The following OTULIN variants were observed in gnomAD, a reference collection of about 807,000 sequenced individuals.
OTULIN encodes the protein OTU deubiquitinase with linear linkage specificity.
In OTULIN, 15 loss-of-function variants were observed where a neutral mutation model predicts 39.6. That is an observed-to-expected ratio of 0.38 (90% CI 0.25 to 0.58). The LOEUF (loss-of-function observed/expected upper bound fraction) is 0.58, where lower values mean the gene tolerates loss of function less well. Ranked by LOEUF, OTULIN falls within the 20% of genes least tolerant of loss-of-function variation. The probability of loss-of-function intolerance (pLI) is 0.66; values close to 1 mark genes in which losing one functional copy is unlikely to be tolerated. For missense variants in OTULIN, 319 were observed against 445.9 expected (o/e 0.72, Z 2.56); for synonymous variants, 156 against 170.3 (o/e 0.92, Z 0.65).
rs750703747 is a variant in OTULIN, at chr5:14,690,149, A to G, written c.705A>G (p.Leu235=). 7 of 1,614,112 alleles carry G rather than the reference A, an allele frequency of 4.3e-6. No individual in the cohort carries two copies. Reference sequence around the variant, plus strand: ...GCCTCTATGAAGCTGTAAAATTTCTAATGCTAAACAGAGCCATTGAACTAT... The same window carrying G: ...GCCTCTATGAAGCTGTAAAATTTCTGATGCTAAACAGAGCCATTGAACTAT... ...EYSLYEAVKF[L]MLNRAIELYN... Residue 235 remains leucine (L), a synonymous_variant, in exon 6 of 7, where the codon CTA becomes CTG. Transcript: ENST00000284274. The surrounding 1 kb of genome is among the most constrained non-coding windows in gnomAD (Gnocchi z 4.5).
At chr5:14,682,162 A>AAAGTCATGTGTCTGCATGTCCTG (rs1347793275) in intron 4 of OTULIN, among the ~76,000 whole-genome samples, 2 of 152,218 alleles carry the variant, frequency 1.3e-5, no homozygotes, top group African/African-American at 2.4e-5. Context: ...CATGCACTGG[A>AAAGTCATGTGTCTGCATGTCCTG]AAGTCATGTG....
chr5:14,677,546 C>T (rs931902621), intron 2 of OTULIN, among the ~76,000 whole-genome samples: 21 of 152,090 alleles, frequency 1.4e-4, no homozygotes, highest in African/African-American at 3.4e-4. Context: ...TGTGCATGTG[C>T]GTGTATATGC....
chr5:14,689,703 C>A (rs1318888420), intron 5 of OTULIN, among the ~76,000 whole-genome samples: 2 of 152,204 alleles, frequency 1.3e-5, no homozygotes, highest in Non-Finnish European at 2.9e-5. Context: ...CAGCTTCACA[C>A]ACAGGCTTCA....
intron 5 of OTULIN, among the ~76,000 whole-genome samples, chr5:14,688,375 T>C (rs1234382923): frequency 6.6e-6 from 1 of 152,138 alleles, no homozygotes; most frequent in Admixed American, 6.5e-5. Context: ...AAACATGGAC[T>C]TTTCAAGGTC....
At chr5:14,683,159 G>T (rs1280233104) in intron 4 of OTULIN, among the ~76,000 whole-genome samples, 1 of 152,156 alleles carries the variant, frequency 6.6e-6, no homozygotes, top group African/African-American at 2.4e-5. Flanking sequence ...GGCGCCTGTA[G>T]TGTTAGCTAC....
chr5:14,693,585 C>G lies in OTULIN; in HGVS notation c.*537C>G, dbSNP rs535656925. 4 of 152,376 alleles carry G rather than the reference C, an allele frequency of 2.6e-5. No homozygotes were observed. Among genetic ancestry groups the G allele is most frequent in the African/African-American group, 9.6e-5 (4 of 41,570 alleles). 9.4% of individuals were successfully genotyped at this position (152,376 alleles called of 1,614,324 possible). A position where few individuals can be genotyped will look rare whatever the true frequency, so the allele number is the denominator to read the frequency against. On this transcript the variant is annotated 3_prime_UTR_variant, in exon 7 of 7. Coordinates refer to ENST00000284274, the MANE Select transcript of OTULIN (RefSeq NM_138348.6). ...TAAGTGGTATAATTCTGGGATAGAT[C>G]TGTTACTGGCATAGTCATGACAACC... is the stretch of plus-strand genomic sequence containing the variant.
the OTULIN span, chr5:14,711,339 G>T: frequency 6.3e-7 from 1 of 1,587,046 alleles, no homozygotes; most frequent in Non-Finnish European, 8.7e-7. Flanking sequence ...ATCAGTGTGG[G>T]GCTGTGGATG....
chr5:14,703,005 G>A (rs1736828694), downstream of OTULIN, among the ~76,000 whole-genome samples: 1 of 152,116 alleles, frequency 6.6e-6, no homozygotes. Flanking sequence ...AACTGTCATT[G>A]GCCACTCTGC....
the OTULIN span, chr5:14,712,736 TA>T: frequency 1.2e-6 from 1 of 866,062 alleles, no homozygotes; most frequent in Non-Finnish European, 1.9e-6. Context: ...CCAGCCACCC[TA>T]AGCCACGAGA....
chr5:14,697,764 AG>A lies in OTULIN; in HGVS notation c.*4717del, dbSNP rs1736709167. The A allele has an allele frequency of 6.6e-6, 1 of 152,168 alleles. No homozygotes were observed. The highest frequency in any genetic ancestry group is 2.4e-5 in the African/African-American group (1 of 41,426). The allele number at this position is 152,168 out of a possible 1,614,324, so 9.4% of individuals were successfully genotyped here. On this transcript the variant is annotated 3_prime_UTR_variant, in exon 7 of 7. Transcript: ENST00000284274. ...TAATCTCATTGATTTGTTTGGTATA[AG>A]TTTGGGTCAGAAATGAAACTGCCAA...
At chr5:14,686,830 A>G (rs1482385832) in intron 4 of OTULIN, among the ~76,000 whole-genome samples, 6 of 152,206 alleles carry the variant, frequency 3.9e-5, no homozygotes, top group Non-Finnish European at 7.3e-5. Flanking sequence ...AGGAATAAAA[A>G]AAATGGAAAC....
downstream of OTULIN, among the ~76,000 whole-genome samples, chr5:14,702,191 T>C (rs1736810199): frequency 6.6e-6 from 1 of 151,968 alleles, no homozygotes; most frequent in South Asian, 2.1e-4. Context: ...ATGGAGTGGG[T>C]TTCCGGGTGG....
At chr5:14,715,319 C>T in the OTULIN span, among the ~76,000 whole-genome samples, 1 of 152,140 alleles carries the variant, frequency 6.6e-6, no homozygotes, top group Admixed American at 6.5e-5. Flanking sequence ...TTAGTAGAGA[C>T]GGGGTTTCAC....
intron 6 of OTULIN, among the ~76,000 whole-genome samples, chr5:14,691,302 A>G (rs1406668963): frequency 2.0e-5 from 3 of 152,220 alleles, no homozygotes; most frequent in African/African-American, 7.2e-5. Context: ...AGATACTGCA[A>G]GGATTAGAGA....
intron 4 of OTULIN, among the ~76,000 whole-genome samples, chr5:14,685,186 CTG>C (rs1188275499): frequency 6.6e-6 from 1 of 152,174 alleles, no homozygotes; most frequent in African/African-American, 2.4e-5. Flanking sequence ...GTGAGATAGA[CTG>C]TGTATCAAAA....
chr5:14,712,802 C>G, the OTULIN span: 1 of 1,430,000 alleles, frequency 7.0e-7, no homozygotes, highest in Non-Finnish European at 9.6e-7. Flanking sequence ...CCAACCTGGT[C>G]AGTGGCTGCT....
chr5:14,678,228 G>A (rs1384323491), intron 2 of OTULIN, among the ~76,000 whole-genome samples: 3 of 152,232 alleles, frequency 2.0e-5, no homozygotes, highest in East Asian at 1.9e-4. Flanking sequence ...CTGCAGGTGC[G>A]GGGAAGAGCA....
chr5:14,687,700 G>A, intron 5 of OTULIN, 54 bp downstream of exon 5: 1 of 1,515,560 alleles, frequency 6.6e-7, no homozygotes, highest in Non-Finnish European at 8.8e-7. Flanking sequence ...GTTCTTGCTT[G>A]CCCCAGAAGA....
intron 1 of OTULIN, among the ~76,000 whole-genome samples, chr5:14,670,335 C>T (rs1310659502): frequency 1.3e-5 from 2 of 152,190 alleles, no homozygotes; most frequent in Non-Finnish European, 2.9e-5. Flanking sequence ...AGATTCCTGG[C>T]CTTTAGTATC....
Sources: allele counts gnomAD v4.1 joint callset (sites outside exome capture counted in the v4.1 genomes callset), GRCh38; gene constraint gnomAD v4.1.1; non-coding constraint Gnocchi (gnomAD v3.1); transcripts MANE v1.5; gene names NCBI Gene and HGNC (gene_info 2026-07-23, HGNC 2026-07-21).